The following PUDP variants were observed in gnomAD, a reference collection of about 807,000 sequenced individuals.
The protein encoded by PUDP is pseudouridine 5'-phosphatase.
PUDP carries 8 observed loss-of-function variants against 9.4 expected under a neutral mutation model. The ratio of observed to expected loss-of-function variants is 0.85; its 90% CI spans 0.50 to 1.53. The LOEUF is 1.53. PUDP is among the 40% of genes most tolerant of loss of function. PUDP has a pLI of 0.00. For synonymous variants in PUDP, 99 were observed against 80.7 expected (o/e 1.23, Z -1.22); for missense variants, 188 against 189.7 (o/e 0.99, Z 0.05).
At chrX:7,011,201 G>C (rs1393505850) in intron 1 of PUDP, among the ~76,000 whole-genome samples, 1 of 112,112 alleles carries the variant, frequency 8.9e-6, no homozygotes, top group Admixed American at 9.4e-5. Flanking sequence ...ACGTCCTCAT[G>C]ATAGTGAGAT....
chrX:6,789,959 GAGAT>G (rs1298129627), intron 3 of PUDP, among the ~76,000 whole-genome samples: 3 of 80,909 alleles, frequency 3.7e-5, no homozygotes, highest in East Asian at 3.7e-4. Flanking sequence ...TAGATAGAAA[GAGAT>G]AGATAAATAG....
At chrX:6,947,613 G>A (rs767366217) in intron 3 of PUDP, among the ~76,000 whole-genome samples, 6 of 111,120 alleles carry the variant, frequency 5.4e-5, no homozygotes, top group Middle Eastern at 4.6e-3. Context: ...GCAACATAGT[G>A]AGAACCCATC....
upstream of PUDP, among the ~76,000 whole-genome samples, chrX:6,723,402 T>C (rs1250423722): frequency 2.8e-4 from 22 of 77,938 alleles, no homozygotes; most frequent in Non-Finnish European, 4.7e-4. Context: ...GTCACTGCAG[T>C]CCATCCTGGG....
chrX:6,746,449 G>A (rs1395258183), intron 3 of PUDP, among the ~76,000 whole-genome samples: 4 of 111,558 alleles, frequency 3.6e-5, no homozygotes, highest in Middle Eastern at 9.2e-3. Flanking sequence ...TGTGGAAGTC[G>A]TGCAGGTTTG....
intron 1 of PUDP, among the ~76,000 whole-genome samples, chrX:6,992,065 T>A (rs1324399967): frequency 9.0e-6 from 1 of 110,633 alleles, no homozygotes; most frequent in Non-Finnish European, 1.9e-5. Flanking sequence ...ATGACATGTA[T>A]TCTATTTTAT....
At chrX:6,911,713 G>A (rs1927852351) in intron 3 of PUDP, among the ~76,000 whole-genome samples, 1 of 111,904 alleles carries the variant, frequency 8.9e-6, no homozygotes, top group Non-Finnish European at 1.9e-5. Context: ...TTTTAGAAGT[G>A]TGTTCTTATT....
At chrX:6,849,626 CA>C (rs1926799319) in intron 3 of PUDP, among the ~76,000 whole-genome samples, 3 of 111,800 alleles carry the variant, frequency 2.7e-5, no homozygotes. Context: ...TCATCTCTTG[CA>C]TAAATACAGA....
intron 3 of PUDP, among the ~76,000 whole-genome samples, chrX:6,840,222 C>T (rs891389799): frequency 1.3e-4 from 15 of 111,841 alleles, no homozygotes; most frequent in East Asian, 5.6e-4. Flanking sequence ...CCATGTAAGA[C>T]GTGACTTTCG....
At chrX:6,773,878 C>T (rs191850786) in intron 3 of PUDP, among the ~76,000 whole-genome samples, 52 of 111,980 alleles carry the variant, frequency 4.6e-4, no homozygotes, top group African/African-American at 1.6e-3. Flanking sequence ...GTGGCTCACA[C>T]GTGTAATCCC....
intron 3 of PUDP, among the ~76,000 whole-genome samples, chrX:6,902,495 G>A (rs1286389749): frequency 1.8e-5 from 2 of 112,175 alleles, no homozygotes; most frequent in African/African-American, 6.5e-5. Flanking sequence ...GAGCATGTTC[G>A]GTATAAAGAA....
intron 3 of PUDP, among the ~76,000 whole-genome samples, chrX:6,833,522 G>A (rs1926538264): frequency 8.9e-6 from 1 of 112,030 alleles, no homozygotes; most frequent in African/African-American, 3.2e-5. Flanking sequence ...TGGCTGGCTG[G>A]ATGGATGGAC....
chrX:7,063,289 T>C (rs1235073160), intron 3 of PUDP, among the ~76,000 whole-genome samples: 2 of 112,064 alleles, frequency 1.8e-5, no homozygotes, highest in Non-Finnish European at 3.8e-5. Context: ...AAAAATTAAT[T>C]GTGTAGTGAT....
At chrX:6,881,237 T>A (rs1927341859) in intron 3 of PUDP, among the ~76,000 whole-genome samples, 1 of 112,108 alleles carries the variant, frequency 8.9e-6, no homozygotes, top group African/African-American at 3.2e-5. Context: ...GCAATTTTTA[T>A]AATGAGCAGT....
At chrX:7,131,948 TG>T (rs1385374546) in intron 1 of PUDP, among the ~76,000 whole-genome samples, 3 of 109,922 alleles carry the variant, frequency 2.7e-5, no homozygotes, top group African/African-American at 1.0e-4. Context: ...GTGGCTCATT[TG>T]GGATGCGTTT....
At chrX:7,081,036 A>C (rs1371871666) in intron 2 of PUDP, among the ~76,000 whole-genome samples, 1 of 112,434 alleles carries the variant, frequency 8.9e-6, no homozygotes, top group Non-Finnish European at 1.9e-5. Context: ...GCTAGATCAC[A>C]CAATTTTAAA....
rs1276042630 is a variant in PUDP, at chrX:7,003,526, C to CA, written c.205-25184dup. Among the ~76,000 whole-genome samples, 4 of 112,124 alleles carry CA rather than the reference C, an allele frequency of 3.6e-5. No individual in the cohort carries two copies. The Admixed American group carries it at 3.8e-4, about 11-fold the overall frequency. On this transcript the variant is annotated intron_variant and NMD_transcript_variant, in intron 1 of 3. Transcript: ENST00000655425. ...AAGACAATATATGTGCCTATTTGATCAAAAAATCCTTTTAATTTTTCCACC... is the reference window on the plus strand; with the variant it reads ...AAGACAATATATGTGCCTATTTGATCAAAAAAATCCTTTTAATTTTTCCACC...
intron 1 of PUDP, among the ~76,000 whole-genome samples, chrX:7,032,068 T>TA (rs1929799479): frequency 9.1e-6 from 1 of 109,455 alleles, no homozygotes; most frequent in Non-Finnish European, 1.9e-5. Flanking sequence ...ATGCAAAAAA[T>TA]AAAAAAACAA....
rs1931860565 is a variant in PUDP, at chrX:7,105,722, T to G, written c.178A>C (p.Ile60Leu). Reference protein sequence around the residue: ...MGKKALEAAQIIIDVLQLPMS... With the variant: ...MGKKALEAAQLIIDVLQLPMS... The stretch of plus-strand genomic sequence containing the variant: ...GGGAGCTGCAAGACGTCTATTATAA[T>G]CTGTGCCGCCTCTAATGCCTTCTTA... The change falls in exon 2 of 4, where the codon ATT (isoleucine) becomes CTT (leucine). Residue 60 changes from isoleucine to leucine, a missense_variant. Physicochemically the swap from Ile to Leu is conservative, Grantham distance 5. Transcript: ENST00000381077. The G allele has an allele frequency of 8.3e-7, 1 of 1,206,567 alleles. No individual in the cohort carries two copies. Among genetic ancestry groups the G allele is most frequent in the African/African-American group, 1.8e-5 (1 of 57,041 alleles).
At chrX:7,001,355 T>A (rs1383633353) in intron 1 of PUDP, among the ~76,000 whole-genome samples, 2 of 111,225 alleles carry the variant, frequency 1.8e-5, no homozygotes, top group African/African-American at 3.3e-5. Flanking sequence ...TTTCAAGAAG[T>A]CACTACTCCT....
Sources: gnomAD v4.1 joint callset for allele counts (sites outside exome capture counted in the v4.1 genomes callset) on GRCh38, gnomAD v4.1.1 for gene constraint, MANE v1.5 for transcripts, NCBI Gene and HGNC (gene_info 2026-07-23, HGNC 2026-07-21) for gene names.